ST7: variants seen among roughly 807,000 people sequenced by gnomAD.
ST7 encodes suppressor of tumorigenicity 7 protein.
Under a neutral mutation model 78.7 loss-of-function variants are expected in ST7, and 28 were observed. That is an observed-to-expected ratio of 0.36 (90% CI 0.26 to 0.49). The LOEUF (loss-of-function observed/expected upper bound fraction) is 0.49, where lower values mean the gene tolerates loss of function less well. ST7 is among the 20% of genes least tolerant of loss of function. ST7 has a pLI of 0.99. For synonymous variants in ST7, 247 were observed against 249.6 expected (o/e 0.99, Z 0.10); for missense variants, 418 against 696.0 (o/e 0.60, Z 4.49).
intron 1 of ST7, among the ~76,000 whole-genome samples, chr7:117,000,487 G>A (rs1794887932): frequency 1.3e-5 from 2 of 152,268 alleles, no homozygotes; most frequent in African/African-American, 4.8e-5. Flanking sequence ...CTTTATGAGG[G>A]GAGAAACAAG....
intron 12 of ST7, among the ~76,000 whole-genome samples, chr7:117,194,794 G>A (rs1303715146): frequency 2.6e-5 from 4 of 152,132 alleles, no homozygotes; most frequent in Non-Finnish European, 5.9e-5. Context: ...TTCCTCAGCA[G>A]TCTTGAGATT....
rs759916147 is a variant in ST7 at position 117,219,139 on chromosome 7, A to G, written c.1461A>G (p.Pro487=). 1.9e-5 allele frequency: 30 copies of G among 1,613,338 alleles called. No individual in the cohort carries two copies. Among genetic ancestry groups the G allele is most frequent in the East Asian group, 2.2e-5 (1 of 44,800 alleles). Residue 487 remains proline (P), a synonymous_variant, in exon 14 of 16, where the codon CCA becomes CCG. Coordinates refer to ENST00000323984, the MANE Select transcript of ST7 (RefSeq NM_001369598.1). The surrounding 1 kb of genome is among the most constrained non-coding windows in gnomAD (Gnocchi z 5.1). ...LEKGHLFYPY[P]ICTETADREL... ...AGGGGCACCTATTTTATCCTTACCC[A>G]ATCTGTACAGAAACAGCAGACCGAG...
intron 1 of ST7, among the ~76,000 whole-genome samples, chr7:117,029,226 A>G (rs968231709): frequency 7.2e-5 from 11 of 152,180 alleles, no homozygotes; most frequent in African/African-American, 2.7e-4. Flanking sequence ...AATGGATGGG[A>G]GTTCACTTGC....
chr7:117,155,409 G>A (rs1241977805), intron 9 of ST7, among the ~76,000 whole-genome samples: 1 of 152,164 alleles, frequency 6.6e-6, no homozygotes, highest in African/African-American at 2.4e-5. Flanking sequence ...ATACAACAGA[G>A]GAGGGATGAG....
At chr7:117,182,970 G>A (rs925142525) in intron 10 of ST7, among the ~76,000 whole-genome samples, 20 of 152,150 alleles carry the variant, frequency 1.3e-4, no homozygotes, top group African/African-American at 4.3e-4. Context: ...TATGGAAGGT[G>A]TAAGTGATTT....
At position 117,229,743 on chromosome 7, in the gene ST7, C is replaced by T. The variant is rs753870025; in HGVS notation, c.1639-19C>T. 2 of 1,595,590 alleles carry T rather than the reference C, an allele frequency of 1.3e-6. No individual in the cohort carries two copies. The highest frequency in any genetic ancestry group is 2.2e-5 in the East Asian group (1 of 44,720). On this transcript the variant is annotated intron_variant, in intron 15 of 15. Transcript: ENST00000323984. ...ACAAGGTTTCTGCTGACTTCTGTGT[C>T]TGTCTGGTTTCTTTGCAGTTCCTCA...
At chr7:116,983,443 G>T (rs1432130445) in intron 1 of ST7, among the ~76,000 whole-genome samples, 2 of 151,948 alleles carry the variant, frequency 1.3e-5, no homozygotes, top group Non-Finnish European at 2.9e-5. Flanking sequence ...CACATGCTTG[G>T]GTTTTGAAAC....
chr7:117,080,369 A>C (rs1799680609), intron 1 of ST7, among the ~76,000 whole-genome samples: 1 of 152,162 alleles, frequency 6.6e-6, no homozygotes, highest in African/African-American at 2.4e-5. Flanking sequence ...TCTAAACTAA[A>C]ATGGAGTGAT....
intron 1 of ST7, chr7:117,072,840 C>T (rs1329851297): frequency 1.3e-5 from 2 of 152,198 alleles, no homozygotes; most frequent in East Asian, 1.9e-4. Flanking sequence ...GACGCAGTCA[C>T]TTCAGCTTGT....
chr7:117,050,861 C>T (rs1439710200), intron 1 of ST7, among the ~76,000 whole-genome samples: 2 of 148,570 alleles, frequency 1.3e-5, no homozygotes, highest in South Asian at 2.1e-4. Context: ...ACCCAGGAGG[C>T]GGAAGTTGCA....
At chr7:117,155,145 G>T (rs2117180330) in intron 9 of ST7, among the ~76,000 whole-genome samples, 1 of 152,230 alleles carries the variant, frequency 6.6e-6, no homozygotes, top group Non-Finnish European at 1.5e-5. Flanking sequence ...TCTCTAAGAG[G>T]TCATATTTTT....
chr7:117,014,024 T>C (rs1016028077), intron 1 of ST7, among the ~76,000 whole-genome samples: 2 of 152,102 alleles, frequency 1.3e-5, no homozygotes, highest in African/African-American at 4.8e-5. Flanking sequence ...GAAAGGAAAG[T>C]AGCAAAAGCA....
chr7:117,106,024 C>T (rs756460025), intron 2 of ST7, among the ~76,000 whole-genome samples: 66 of 151,876 alleles, frequency 4.3e-4, no homozygotes, highest in Admixed American at 7.2e-4. Context: ...CGGAGTCTCG[C>T]TGTGTCGCCC....
rs187511659 is a variant in ST7, at chr7:116,994,860, A to G, written c.151+41169A>G. On this transcript the variant is annotated intron_variant, in intron 1 of 15. Transcript: ENST00000323984. ...TGTAAAATGAATGACTAGAGATTGC[A>G]TGATGTACCAGTCCTTTTCTGTTCG... Among the ~76,000 whole-genome samples the G allele has an allele frequency of 1.8e-3, 277 of 152,354 alleles. 1 individual carries two copies. The highest frequency in any genetic ancestry group is 6.2e-3 in the African/African-American group (256 of 41,578).
chr7:117,002,998 A>G (rs988855931), intron 1 of ST7, among the ~76,000 whole-genome samples: 13 of 150,378 alleles, frequency 8.6e-5, no homozygotes, highest in Middle Eastern at 3.4e-3. Flanking sequence ...AATTTTTTGT[A>G]TTTTTAGTAG....
chr7:116,972,116 CAG>C, intron 1 of ST7: 3 of 544,148 alleles, frequency 5.5e-6, no homozygotes, highest in South Asian at 4.3e-5. Flanking sequence ...TGGCCTCAGG[CAG>C]AGTCAGGGTC....
At chr7:117,115,466 T>C (rs1414624931) in intron 2 of ST7, among the ~76,000 whole-genome samples, 2 of 151,724 alleles carry the variant, frequency 1.3e-5, no homozygotes, top group East Asian at 3.9e-4. Flanking sequence ...GCAATTCTGC[T>C]GCCTCAGCCA....
intron 1 of ST7, among the ~76,000 whole-genome samples, chr7:117,092,065 T>C (rs1800659379): frequency 6.6e-6 from 1 of 151,876 alleles, no homozygotes; most frequent in South Asian, 2.1e-4. Flanking sequence ...GAATCTTACA[T>C]AGTTGTTTGT....
intron 12 of ST7, among the ~76,000 whole-genome samples, chr7:117,200,609 G>A (rs1360918587): frequency 6.6e-6 from 1 of 152,108 alleles, no homozygotes; most frequent in East Asian, 1.9e-4. Flanking sequence ...CAGTCCCAGA[G>A]GGTACCGAGG....
Sources: gnomAD v4.1 joint callset for allele counts (sites outside exome capture counted in the v4.1 genomes callset) on GRCh38, gnomAD v4.1.1 for gene constraint, Gnocchi (gnomAD v3.1) non-coding constraint, MANE v1.5 for transcripts, NCBI Gene and HGNC (gene_info 2026-07-23, HGNC 2026-07-21) for gene names.